Variants in TSHZ3 observed in about 807,000 individuals in gnomAD.
TSHZ3 encodes the protein teashirt zinc finger homeobox 3, also known as teashirt homolog 3.
In TSHZ3, 10 loss-of-function variants were observed where a neutral mutation model predicts 64.5. That is an observed-to-expected ratio of 0.16 (90% confidence interval 0.10 to 0.26). TSHZ3 has a LOEUF of 0.26. Among genes scored for constraint, TSHZ3 ranks in the 10% least tolerant of loss-of-function variants. TSHZ3 has a pLI of 1.00. For synonymous variants in TSHZ3, 608 were observed against 593.1 expected (o/e 1.03, Z -0.36); for missense variants, 1,242 against 1,421.7 (o/e 0.87, Z 2.03).
chr19:31,268,874 A>G (rs1156854419), intron 1 of TSHZ3, among the ~76,000 whole-genome samples: 1 of 152,132 alleles, frequency 6.6e-6, no homozygotes, highest in African/African-American at 2.4e-5. Flanking sequence ...TGCCATTTCA[A>G]CACAGGGAGG....
At chr19:31,337,720 A>AACACACACAC (rs372251116) in intron 1 of TSHZ3, among the ~76,000 whole-genome samples, 16,886 of 145,936 alleles carry the variant, frequency 0.12, 1,256 homozygotes, top group East Asian at 0.36. Flanking sequence ...TTTCAAAATA[A>AACACACACAC]ACACACACAC....
intron 4 of TSHZ3, among the ~76,000 whole-genome samples, chr19:31,214,765 G>A (rs921313783): frequency 1.4e-4 from 21 of 151,966 alleles, no homozygotes; most frequent in East Asian, 5.8e-4. Flanking sequence ...AAAATTAGCC[G>A]GGCGTGGTGG....
At chr19:31,223,660 G>T (rs1975419837) in intron 4 of TSHZ3, among the ~76,000 whole-genome samples, 1 of 152,118 alleles carries the variant, frequency 6.6e-6, no homozygotes, top group South Asian at 2.1e-4. Flanking sequence ...AGTTTATAAG[G>T]TTCGTGTGTC....
At chr19:31,230,857 G>T (rs555763575) in intron 3 of TSHZ3, among the ~76,000 whole-genome samples, 1 of 151,352 alleles carries the variant, frequency 6.6e-6, no homozygotes, top group Non-Finnish European at 1.5e-5. Flanking sequence ...CTGCCACCAC[G>T]CGCGGCTAAT....
At chr19:31,317,359 T>C (rs977436996) in intron 1 of TSHZ3, among the ~76,000 whole-genome samples, 1 of 152,162 alleles carries the variant, frequency 6.6e-6, no homozygotes, top group Non-Finnish European at 1.5e-5. Context: ...ATCGGGACGA[T>C]GGGGATGCTG....
Position 31,279,786 on chromosome 19 carries a change from T to C in TSHZ3, c.41-34A>G, listed in dbSNP as rs372499163. 4.8e-6 allele frequency: 7 copies of C among 1,461,204 alleles called. 1 individual carries two copies. Among genetic ancestry groups the C allele is most frequent in the East Asian group, 2.3e-5 (1 of 42,774 alleles). 90.5% of individuals were successfully genotyped at this position (1,461,204 alleles called of 1,614,324 possible). ...ATAACAGGTGGGAAAGAGAGACAGG[T>C]AGGATGGAATGAAGAGAGACAGGGA... On this transcript the variant is annotated intron_variant, in intron 1 of 1. Coordinates refer to ENST00000240587, the MANE Select transcript of TSHZ3 (RefSeq NM_020856.4). This position sits in a 1 kb window ranked among gnomAD's most constrained non-coding sequence, Gnocchi z 6.4.
intron 3 of TSHZ3, among the ~76,000 whole-genome samples, chr19:31,238,255 A>AT (rs372232422): frequency 0.033 from 4,407 of 134,552 alleles, 90 homozygotes; most frequent in South Asian, 0.049. Flanking sequence ...TCCTTCGTGA[A>AT]TTTTTTTTTT....
intron 1 of TSHZ3, among the ~76,000 whole-genome samples, chr19:31,315,559 C>T (rs1296803249): frequency 6.6e-6 from 1 of 152,208 alleles, no homozygotes; most frequent in East Asian, 1.9e-4. Context: ...AGACTTCCCT[C>T]ACTCGCCACC....
intron 4 of TSHZ3, among the ~76,000 whole-genome samples, chr19:31,212,551 T>C (rs192205551): frequency 5.9e-5 from 9 of 152,322 alleles, no homozygotes. Context: ...AAGATGCCAC[T>C]ACACCCCTGT....
intron 1 of TSHZ3, among the ~76,000 whole-genome samples, chr19:31,264,692 C>A (rs1976025258): frequency 6.6e-6 from 1 of 150,824 alleles, no homozygotes; most frequent in African/African-American, 2.5e-5. Flanking sequence ...GCAATGAATT[C>A]AAGTTTTGTG....
At chr19:31,222,193 T>G (rs1975402122) in intron 4 of TSHZ3, among the ~76,000 whole-genome samples, 1 of 152,190 alleles carries the variant, frequency 6.6e-6, no homozygotes, top group African/African-American at 2.4e-5. Flanking sequence ...CATCTGTAAG[T>G]GCATATGGAA....
intron 1 of TSHZ3, among the ~76,000 whole-genome samples, chr19:31,251,637 G>T (rs1975844295): frequency 1.3e-5 from 2 of 152,174 alleles, no homozygotes; most frequent in African/African-American, 4.8e-5. Context: ...CGTGATATGG[G>T]TTCCTGGAAC....
At chr19:31,179,149 A>G (rs1231753775) in intron 5 of TSHZ3, among the ~76,000 whole-genome samples, 1 of 152,142 alleles carries the variant, frequency 6.6e-6, no homozygotes, top group Non-Finnish European at 1.5e-5. Flanking sequence ...ACAATGGGGA[A>G]AGGGACTAAC....
chr19:31,281,236 TAAAC>T (rs1010714008), intron 1 of TSHZ3, among the ~76,000 whole-genome samples: 5 of 151,958 alleles, frequency 3.3e-5, no homozygotes, highest in Non-Finnish European at 5.9e-5. Context: ...ACAACAACAA[TAAAC>T]AAACAAACAA....
intron 1 of TSHZ3, among the ~76,000 whole-genome samples, chr19:31,249,780 A>C (rs1433317433): frequency 6.6e-6 from 1 of 152,008 alleles, no homozygotes; most frequent in African/African-American, 2.4e-5. Flanking sequence ...CAGGTCCTTC[A>C]TCTCCCCAAC....
At chr19:31,303,238 G>A (rs906690043) in intron 1 of TSHZ3, among the ~76,000 whole-genome samples, 2 of 152,134 alleles carry the variant, frequency 1.3e-5, no homozygotes, top group African/African-American at 4.8e-5. Context: ...CATCTCTCTG[G>A]GAAGAGACTG....
At chr19:31,306,094 G>T (rs1231140368) in intron 1 of TSHZ3, among the ~76,000 whole-genome samples, 1 of 152,212 alleles carries the variant, frequency 6.6e-6, no homozygotes, top group Non-Finnish European at 1.5e-5. Flanking sequence ...AAAGTTGAGT[G>T]CCAGGCGGGG....
intron 5 of TSHZ3, among the ~76,000 whole-genome samples, chr19:31,163,141 G>A (rs1211914389): frequency 6.6e-6 from 1 of 152,180 alleles, no homozygotes; most frequent in Admixed American, 6.5e-5. Context: ...CTTACAGAAA[G>A]GATAAGCTTT....
intron 4 of TSHZ3, among the ~76,000 whole-genome samples, chr19:31,213,383 A>AAAAAAAAAT: frequency 6.7e-6 from 1 of 148,308 alleles, no homozygotes; most frequent in African/African-American, 2.5e-5. Context: ...AAAAAAAAAA[A>AAAAAAAAAT]AAAAAAAATC....
Sources: allele counts gnomAD v4.1 joint callset (sites outside exome capture counted in the v4.1 genomes callset), GRCh38; gene constraint gnomAD v4.1.1; non-coding constraint Gnocchi (gnomAD v3.1); transcripts MANE v1.5; gene names NCBI Gene and HGNC (gene_info 2026-07-23, HGNC 2026-07-21).